Variants in ATXN8OS observed in about 807,000 individuals in gnomAD.
The protein encoded by ATXN8OS is ATXN8 opposite strand (non-protein coding).
chr13:70,132,676 T>G (rs2137484549), intron 3 of ATXN8OS, among the ~76,000 whole-genome samples: 1 of 152,288 alleles, frequency 6.6e-6, no homozygotes, highest in East Asian at 1.9e-4. Context: ...ATTGAGAGAT[T>G]AGCTCTATGA....
At chr13:70,115,701 CATA>C (rs765629470) in intron 2 of ATXN8OS, among the ~76,000 whole-genome samples, 1 of 151,978 alleles carries the variant, frequency 6.6e-6, no homozygotes, top group Non-Finnish European at 1.5e-5. Context: ...TTGAGTTTAT[CATA>C]ATGAGAAATG....
upstream of ATXN8OS, chr13:70,107,457 G>A (rs138243017): frequency 3.1e-6 from 5 of 1,613,954 alleles, no homozygotes; most frequent in African/African-American, 2.7e-5. Flanking sequence ...AAGAGGACGG[G>A]GAGGACGATG....
intron 4 of ATXN8OS, among the ~76,000 whole-genome samples, chr13:70,148,351 G>C (rs9529684): frequency 0.76 from 114,474 of 151,524 alleles, 43,352 homozygotes; most frequent in South Asian, 0.84. Context: ...ATCAAGAGTC[G>C]GGTTGGACTT....
intron 3 of ATXN8OS, among the ~76,000 whole-genome samples, chr13:70,141,796 A>C (rs1888719301): frequency 1.3e-5 from 2 of 152,048 alleles, no homozygotes; most frequent in African/African-American, 4.8e-5. Flanking sequence ...TACTTATACT[A>C]TATTAAAAAT....
chr13:70,110,480 T>C (rs1888183516), intron 1 of ATXN8OS, among the ~76,000 whole-genome samples: 1 of 150,900 alleles, frequency 6.6e-6, no homozygotes, highest in African/African-American at 2.4e-5. Context: ...TACTACAGTG[T>C]TGTAGAAAAG....
chr13:70,115,398 G>A, intron 2 of ATXN8OS: 1 of 396,238 alleles, frequency 2.5e-6, no homozygotes, highest in East Asian at 3.6e-5. Context: ...TGTGGCATTA[G>A]GGATTAAGTT....
intron 2 of ATXN8OS, among the ~76,000 whole-genome samples, chr13:70,129,257 G>A (rs1197748413): frequency 2.6e-5 from 4 of 151,986 alleles, no homozygotes. Context: ...TAGTTATTGT[G>A]TTTTTCAACA....
intron 4 of ATXN8OS, among the ~76,000 whole-genome samples, chr13:70,165,866 C>CA (rs1301772193): frequency 1.3e-5 from 2 of 151,914 alleles, no homozygotes; most frequent in Non-Finnish European, 2.9e-5. Flanking sequence ...ATTTAAACAA[C>CA]AAAATAATAA....
intron 3 of ATXN8OS, among the ~76,000 whole-genome samples, chr13:70,134,387 A>G (rs1347493689): frequency 2.6e-5 from 4 of 152,318 alleles, no homozygotes; most frequent in African/African-American, 9.6e-5. Flanking sequence ...GCATTATAGG[A>G]GACATAATCT....
At chr13:70,146,678 A>G (rs973292681) in intron 3 of ATXN8OS, among the ~76,000 whole-genome samples, 7 of 149,084 alleles carry the variant, frequency 4.7e-5, no homozygotes, top group Non-Finnish European at 8.9e-5. Context: ...AAAACCAAAC[A>G]CTGCATGTTC....
intron 3 of ATXN8OS, chr13:70,131,059 G>C: frequency 2.5e-6 from 1 of 398,408 alleles, no homozygotes; most frequent in Non-Finnish European, 4.4e-6. Context: ...ATTATTCTTT[G>C]ACCAATTTTG....
rs375568204 is a variant in ATXN8OS at position 70,139,351 on chromosome 13, TTACTACTACTACTAC to T, written n.500-7984_500-7970del. On this transcript the variant is annotated intron_variant and non_coding_transcript_variant, in intron 3 of 4. Transcript: ENST00000678624. ...GTCCTTCATGTTAGAAAACCTGGCTTTACTACTACTACTACTACTACTACTACTACTACTGCTGCT... is the reference window on the plus strand; with the variant it reads ...GTCCTTCATGTTAGAAAACCTGGCTTTACTACTACTACTACTACTGCTGCT... 4.4e-5 allele frequency: 24 copies of T among 548,298 alleles called. 1 individual carries two copies. Among genetic ancestry groups the T allele is most frequent in the Non-Finnish European group, 3.8e-5 (12 of 312,892 alleles). The allele number at this position is 548,298 out of a possible 1,614,324, so 34.0% of individuals were successfully genotyped here. A position where few individuals can be genotyped will look rare whatever the true frequency, so the allele number is the denominator to read the frequency against.
intron 3 of ATXN8OS, among the ~76,000 whole-genome samples, chr13:70,145,064 CAT>C (rs942336458): frequency 1.3e-4 from 20 of 152,122 alleles, no homozygotes; most frequent in Non-Finnish European, 2.5e-4. Flanking sequence ...CAGCTTTCTA[CAT>C]ATGTCTAGAC....
At chr13:70,117,710 TC>T (rs1310463960) in intron 2 of ATXN8OS, among the ~76,000 whole-genome samples, 1 of 152,100 alleles carries the variant, frequency 6.6e-6, no homozygotes, top group Non-Finnish European at 1.5e-5. Flanking sequence ...GTCTCAGCTT[TC>T]TTATCTGCAA....
At chr13:70,168,511 C>T (rs1025498057) in intron 4 of ATXN8OS, among the ~76,000 whole-genome samples, 4 of 151,838 alleles carry the variant, frequency 2.6e-5, no homozygotes, top group Non-Finnish European at 5.9e-5. Flanking sequence ...TCTCTTTATC[C>T]CCTGCCACTG....
chr13:70,115,316 T>C, intron 2 of ATXN8OS: 1 of 398,088 alleles, frequency 2.5e-6, no homozygotes, highest in Non-Finnish European at 4.4e-6. Context: ...CATTTTATAA[T>C]GTCATTAATC....
At chr13:70,120,880 A>G (rs1194475338) in intron 2 of ATXN8OS, among the ~76,000 whole-genome samples, 3 of 131,472 alleles carry the variant, frequency 2.3e-5, no homozygotes, top group Admixed American at 8.7e-5. Context: ...ATGAGAACAC[A>G]TGGACGCAGG....
intron 3 of ATXN8OS, among the ~76,000 whole-genome samples, chr13:70,133,799 C>T (rs1448385832): frequency 3.9e-5 from 6 of 152,144 alleles, no homozygotes; most frequent in East Asian, 1.9e-4. Flanking sequence ...GTCCTGCTCA[C>T]ATATTCATTC....
chr13:70,144,928 G>A (rs1043465057), intron 3 of ATXN8OS, among the ~76,000 whole-genome samples: 1 of 152,076 alleles, frequency 6.6e-6, no homozygotes, highest in African/African-American at 2.4e-5. Flanking sequence ...TTCTAAGTGT[G>A]TAATCCAATT....
Sources: allele counts gnomAD v4.1 joint callset (sites outside exome capture counted in the v4.1 genomes callset), GRCh38; gene constraint gnomAD v4.1.1; transcripts MANE v1.5; gene names NCBI Gene and HGNC (gene_info 2026-07-23, HGNC 2026-07-21).